The following CALN1 variants were observed in gnomAD, a reference collection of about 807,000 sequenced individuals.
The protein encoded by CALN1 is calneuron 1, also known as calcium-binding protein 8.
In CALN1, 17 loss-of-function variants were observed where a neutral mutation model predicts 30.6. The ratio of observed to expected loss-of-function variants is 0.56; its 90% CI spans 0.38 to 0.83. CALN1 has a LOEUF of 0.83. Among genes scored for constraint, CALN1 ranks in the 40% least tolerant of loss-of-function variants. The pLI, the probability that CALN1 is intolerant of heterozygous loss-of-function variation, is 0.00. For missense variants in CALN1, 291 were observed against 354.9 expected (o/e 0.82, Z 1.45); for synonymous variants, 156 against 131.4 (o/e 1.19, Z -1.28).
intron 5 of CALN1, among the ~76,000 whole-genome samples, chr7:71,955,444 C>G (rs1021464890): frequency 1.3e-5 from 2 of 152,046 alleles, no homozygotes; most frequent in African/African-American, 4.8e-5. Flanking sequence ...TTATTTAAAT[C>G]TCAAAATGCT....
At chr7:72,483,457 G>T in the CALN1 span, among the ~76,000 whole-genome samples, 411 of 151,848 alleles carry the variant, frequency 2.7e-3, 2 homozygotes, top group African/African-American at 9.5e-3. Flanking sequence ...GCTAATTTTT[G>T]TATTTTTAGT....
At chr7:72,150,168 C>T (rs2129544089) in intron 3 of CALN1, among the ~76,000 whole-genome samples, 1 of 150,710 alleles carries the variant, frequency 6.6e-6, no homozygotes, top group Middle Eastern at 3.4e-3. Context: ...CCAGGACAGA[C>T]AGTAGCTGCC....
intron 2 of CALN1, among the ~76,000 whole-genome samples, chr7:72,348,315 GC>G (rs1342133316): frequency 6.6e-6 from 1 of 152,170 alleles, no homozygotes; most frequent in East Asian, 1.9e-4. Context: ...TCCTGCAACT[GC>G]CCAGCTTTCT....
At chr7:71,845,985 G>A (rs1441242739) in intron 5 of CALN1, among the ~76,000 whole-genome samples, 2 of 152,070 alleles carry the variant, frequency 1.3e-5, no homozygotes, top group African/African-American at 2.4e-5. Context: ...CCTGGGAGGC[G>A]GAGGTTGCCG....
intron 2 of CALN1, among the ~76,000 whole-genome samples, chr7:72,368,807 CCCT>C (rs1562927227): frequency 2.1e-5 from 3 of 143,364 alleles, no homozygotes; most frequent in Admixed American, 7.2e-5. Flanking sequence ...TGGTTTGAAA[CCCT>C]TTTTTTTTTT....
chr7:72,290,902 T>C (rs1322153135), intron 2 of CALN1, among the ~76,000 whole-genome samples: 1 of 149,242 alleles, frequency 6.7e-6, no homozygotes, highest in Non-Finnish European at 1.5e-5. Flanking sequence ...TTATGATTCC[T>C]ATACTTTCTT....
chr7:71,987,272 C>T (rs1416933997), intron 5 of CALN1, among the ~76,000 whole-genome samples: 1 of 152,182 alleles, frequency 6.6e-6, no homozygotes. Flanking sequence ...GATTATGTCA[C>T]GAGTTGTGCT....
intron 2 of CALN1, among the ~76,000 whole-genome samples, chr7:72,389,607 A>C (rs1339409936): frequency 3.3e-5 from 5 of 152,154 alleles, no homozygotes; most frequent in Non-Finnish European, 7.4e-5. Context: ...AAGTCTCTTG[A>C]CTTAAGCTCA....
intron 1 of CALN1, among the ~76,000 whole-genome samples, chr7:72,446,541 G>A (rs1020063749): frequency 7.2e-5 from 11 of 152,098 alleles, no homozygotes; most frequent in Admixed American, 2.6e-4. Flanking sequence ...GACAGGTGTC[G>A]GCAAGATGTT....
chr7:72,030,893 C>T (rs1801397468), intron 4 of CALN1, among the ~76,000 whole-genome samples: 1 of 152,088 alleles, frequency 6.6e-6, no homozygotes. Flanking sequence ...ACTACAGGAG[C>T]ATGCCATCAC....
intron 4 of CALN1, among the ~76,000 whole-genome samples, chr7:72,098,847 C>T (rs1806434642): frequency 1.3e-5 from 2 of 151,686 alleles, no homozygotes; most frequent in Admixed American, 1.3e-4. Flanking sequence ...GCCAGGTGAG[C>T]AATCCCAGAC....
intron 5 of CALN1, chr7:71,913,917 G>T (rs1297517581): frequency 6.6e-6 from 1 of 152,248 alleles, no homozygotes; most frequent in African/African-American, 2.4e-5. Context: ...TGTACAAGGA[G>T]TGAGTTAGGA....
intron 2 of CALN1, among the ~76,000 whole-genome samples, chr7:72,284,571 A>G (rs939453143): frequency 4.6e-5 from 7 of 152,190 alleles, no homozygotes; most frequent in African/African-American, 9.6e-5. Context: ...GAATGAACAC[A>G]CTAAGAAAGA....
chr7:72,273,909 A>G (rs1168963681), intron 3 of CALN1, among the ~76,000 whole-genome samples: 1 of 152,222 alleles, frequency 6.6e-6, no homozygotes. Context: ...GAAAAAAGCA[A>G]TATAAATTAT....
chr7:72,456,227 G>C, the CALN1 span, among the ~76,000 whole-genome samples: 1 of 150,718 alleles, frequency 6.6e-6, no homozygotes, highest in African/African-American at 2.4e-5. Context: ...ACCATTGTAA[G>C]AGGGATCCTT....
chr7:72,158,870 GTT>G (rs1253607597), intron 3 of CALN1, among the ~76,000 whole-genome samples: 3 of 151,904 alleles, frequency 2.0e-5, no homozygotes, highest in African/African-American at 7.3e-5. Flanking sequence ...TTGTTTGTTT[GTT>G]TTTGAGATGG....
chr7:71,888,103 T>C (rs1793021313), intron 5 of CALN1, among the ~76,000 whole-genome samples: 1 of 151,954 alleles, frequency 6.6e-6, no homozygotes, highest in Non-Finnish European at 1.5e-5. Context: ...TAGGATGGAA[T>C]AAGACCTCCC....
chr7:72,294,671 C>G (rs1435647837), intron 2 of CALN1, among the ~76,000 whole-genome samples: 1 of 151,738 alleles, frequency 6.6e-6, no homozygotes, highest in Non-Finnish European at 1.5e-5. Context: ...ATCGTTTGAG[C>G]CCAAGAAGTC....
intron 3 of CALN1, among the ~76,000 whole-genome samples, chr7:72,177,178 C>T (rs1030518087): frequency 6.6e-6 from 1 of 152,144 alleles, no homozygotes; most frequent in Non-Finnish European, 1.5e-5. Context: ...TCAATGAGCA[C>T]GAGCATTCTG....
Sources: allele counts gnomAD v4.1 joint callset (sites outside exome capture counted in the v4.1 genomes callset), GRCh38; gene constraint gnomAD v4.1.1; transcripts MANE v1.5; gene names NCBI Gene and HGNC (gene_info 2026-07-23, HGNC 2026-07-21).